LRRC4C: variants seen among roughly 807,000 people sequenced by gnomAD.
The protein encoded by LRRC4C is leucine-rich repeat-containing protein 4C.
In LRRC4C, 5 loss-of-function variants were observed where a neutral mutation model predicts 33.6. That is an observed-to-expected ratio of 0.15 (90% CI 0.08 to 0.31). The LOEUF (loss-of-function observed/expected upper bound fraction) is 0.31. Ranked by LOEUF, LRRC4C falls within the 10% of genes least tolerant of loss-of-function variation. The probability of loss-of-function intolerance (pLI) is 1.00; values close to 1 mark genes in which losing one functional copy is unlikely to be tolerated. For synonymous variants in LRRC4C, 329 were observed against 302.0 expected (o/e 1.09, Z -0.93); for missense variants, 560 against 796.7 (o/e 0.70, Z 3.58).
At chr11:40,161,229 C>A (rs912912984) in intron 5 of LRRC4C, among the ~76,000 whole-genome samples, 16 of 152,102 alleles carry the variant, frequency 1.1e-4, no homozygotes, top group African/African-American at 3.6e-4. Flanking sequence ...CAGGTAAGAA[C>A]CCCTCTCAAA....
intron 5 of LRRC4C, among the ~76,000 whole-genome samples, chr11:40,182,053 A>G (rs2135527686): frequency 6.6e-6 from 1 of 152,350 alleles, no homozygotes; most frequent in East Asian, 1.9e-4. Flanking sequence ...ACTGATTCAG[A>G]ATGAGGTAAA....
chr11:41,128,984 A>C (rs1202231302), intron 1 of LRRC4C, among the ~76,000 whole-genome samples: 1 of 152,064 alleles, frequency 6.6e-6, no homozygotes, highest in Non-Finnish European at 1.5e-5. Context: ...AATTTGCTAT[A>C]TATAAAAGGT....
chr11:40,873,849 A>G (rs1954761468), intron 2 of LRRC4C, among the ~76,000 whole-genome samples: 1 of 152,164 alleles, frequency 6.6e-6, no homozygotes, highest in Admixed American at 6.6e-5. Context: ...TCTAATAAAC[A>G]TCTTCCATGT....
chr11:40,228,061 AC>A (rs2135981704), intron 5 of LRRC4C, among the ~76,000 whole-genome samples: 1 of 152,166 alleles, frequency 6.6e-6, no homozygotes, highest in African/African-American at 2.4e-5. Flanking sequence ...TGTCCTTCAG[AC>A]TCCAGGGTCT....
intron 3 of LRRC4C, among the ~76,000 whole-genome samples, chr11:40,349,146 T>C (rs1947269349): frequency 6.6e-6 from 1 of 152,208 alleles, no homozygotes; most frequent in African/African-American, 2.4e-5. Flanking sequence ...TGTTGTGCTA[T>C]CAAATACTAG....
intron 2 of LRRC4C, among the ~76,000 whole-genome samples, chr11:40,776,749 T>A (rs1339357434): frequency 6.6e-6 from 1 of 152,128 alleles, no homozygotes; most frequent in Non-Finnish European, 1.5e-5. Flanking sequence ...TGATATTAGT[T>A]ATTTCTTTTC....
chr11:41,278,433 A>G (rs909508901), intron 1 of LRRC4C, among the ~76,000 whole-genome samples: 2 of 152,220 alleles, frequency 1.3e-5, no homozygotes, highest in Non-Finnish European at 2.9e-5. Flanking sequence ...TCTATCGATG[A>G]CATTAAGTGA....
intron 1 of LRRC4C, among the ~76,000 whole-genome samples, chr11:41,149,189 G>A (rs539781444): frequency 1.9e-4 from 29 of 152,132 alleles, no homozygotes; most frequent in Non-Finnish European, 4.3e-4. Flanking sequence ...TGAGATAATT[G>A]AAGGGTAGAG....
At chr11:40,436,360 A>G (rs558101457) in intron 3 of LRRC4C, among the ~76,000 whole-genome samples, 26 of 152,348 alleles carry the variant, frequency 1.7e-4, no homozygotes, top group South Asian at 6.2e-4. Flanking sequence ...TGGAAAATAG[A>G]GACTCAAAGG....
intron 1 of LRRC4C, among the ~76,000 whole-genome samples, chr11:41,020,085 G>A (rs1855854478): frequency 1.3e-5 from 2 of 151,850 alleles, no homozygotes; most frequent in Admixed American, 1.3e-4. Context: ...TGAAATCTTT[G>A]CCCAAACCCC....
intron 5 of LRRC4C, among the ~76,000 whole-genome samples, chr11:40,174,053 C>A (rs865814034): frequency 6.6e-6 from 1 of 152,072 alleles, no homozygotes; most frequent in Non-Finnish European, 1.5e-5. Flanking sequence ...AAAAGCCCCA[C>A]CTAATTGAGG....
chr11:41,106,029 A>G (rs891954123), intron 1 of LRRC4C, among the ~76,000 whole-genome samples: 1 of 152,016 alleles, frequency 6.6e-6, no homozygotes, highest in Non-Finnish European at 1.5e-5. Context: ...TGATCCATTC[A>G]ATCAAAAAAC....
intron 1 of LRRC4C, among the ~76,000 whole-genome samples, chr11:41,022,142 T>TTATATATATATATA (rs142909883): frequency 1.3e-4 from 18 of 139,066 alleles, no homozygotes; most frequent in African/African-American, 4.9e-4. Context: ...CAATTTTGTT[T>TTATATATATATATA]TATATATATA....
chr11:40,668,335 A>G (rs1943922660), intron 2 of LRRC4C, among the ~76,000 whole-genome samples: 1 of 152,172 alleles, frequency 6.6e-6, no homozygotes, highest in Admixed American at 6.6e-5. Flanking sequence ...CTATTATTGG[A>G]TATCTGGCAA....
At chr11:40,885,078 A>C (rs1254595573) in intron 2 of LRRC4C, among the ~76,000 whole-genome samples, 2 of 152,138 alleles carry the variant, frequency 1.3e-5, no homozygotes, top group East Asian at 3.9e-4. Context: ...AAACTTCATC[A>C]TTATGCATTG....
At chr11:40,778,834 T>C (rs1950109895) in intron 2 of LRRC4C, among the ~76,000 whole-genome samples, 1 of 151,604 alleles carries the variant, frequency 6.6e-6, no homozygotes, top group Non-Finnish European at 1.5e-5. Flanking sequence ...GGATATCCAA[T>C]GGTACCTAGA....
At chr11:40,254,339 G>T (rs1867029761) in intron 4 of LRRC4C, among the ~76,000 whole-genome samples, 1 of 152,208 alleles carries the variant, frequency 6.6e-6, no homozygotes, top group African/African-American at 2.4e-5. Flanking sequence ...GGGAACTCAG[G>T]ATCTGAATAA....
At chr11:40,502,091 A>T (rs1954802885) in intron 3 of LRRC4C, among the ~76,000 whole-genome samples, 1 of 152,122 alleles carries the variant, frequency 6.6e-6, no homozygotes, top group Non-Finnish European at 1.5e-5. Context: ...ACAACATAAC[A>T]AGAGTCACCT....
At chr11:40,949,474 A>G (rs1197141061) in intron 1 of LRRC4C, among the ~76,000 whole-genome samples, 94 of 152,114 alleles carry the variant, frequency 6.2e-4, no homozygotes, top group African/African-American at 2.1e-3. Context: ...GAGAAAGGTC[A>G]GGTTACCCAC....
Sources: allele counts gnomAD v4.1 joint callset (sites outside exome capture counted in the v4.1 genomes callset), GRCh38; gene constraint gnomAD v4.1.1; transcripts MANE v1.5; gene names NCBI Gene and HGNC (gene_info 2026-07-23, HGNC 2026-07-21).